Variants in FRMPD4 observed in about 807,000 individuals in gnomAD.
The protein encoded by FRMPD4 is FERM and PDZ domain containing 4, also known as FERM and PDZ domain-containing protein 4.
In FRMPD4, 22 loss-of-function variants were observed where a neutral mutation model predicts 94.1. The observed-to-expected ratio is 0.23, with a 90% CI of 0.17 to 0.33. The LOEUF (loss-of-function observed/expected upper bound fraction) is 0.33, where lower values mean the gene tolerates loss of function less well. FRMPD4 is among the 10% of genes least tolerant of loss of function. FRMPD4 has a pLI of 1.00. For missense variants in FRMPD4, 1,111 were observed against 1,339.9 expected (o/e 0.83, Z 2.67); for synonymous variants, 631 against 548.6 (o/e 1.15, Z -2.10).
chrX:11,844,445 G>A (rs1326177035), intron 1 of FRMPD4, among the ~76,000 whole-genome samples: 1 of 110,930 alleles, frequency 9.0e-6, no homozygotes, highest in Non-Finnish European at 1.9e-5. Context: ...CTTTGGGATG[G>A]TTAATTTTAT....
At chrX:12,476,137 C>A (rs1434432050) in intron 1 of FRMPD4, among the ~76,000 whole-genome samples, 3 of 111,291 alleles carry the variant, frequency 2.7e-5, no homozygotes, top group Admixed American at 1.9e-4. Flanking sequence ...TGGAACAGAA[C>A]AGAGCCCTCA....
At chrX:12,492,264 G>A (rs2057800397) in intron 1 of FRMPD4, among the ~76,000 whole-genome samples, 1 of 111,571 alleles carries the variant, frequency 9.0e-6, no homozygotes, top group Non-Finnish European at 1.9e-5. Flanking sequence ...ACTTTTGGAA[G>A]AAGACCAGTT....
chrX:11,882,219 A>G (rs1480448027), intron 3 of FRMPD4, among the ~76,000 whole-genome samples: 1 of 111,384 alleles, frequency 9.0e-6, no homozygotes, highest in Non-Finnish European at 1.9e-5. Context: ...CTGGGAATTA[A>G]AGGGTAAAGA....
At chrX:12,257,473 C>T (rs1253945321) in intron 1 of FRMPD4, among the ~76,000 whole-genome samples, 5 of 111,534 alleles carry the variant, frequency 4.5e-5, no homozygotes, top group African/African-American at 1.6e-4. Flanking sequence ...TTGTCATTTC[C>T]AGTTTCATAG....
intron 3 of FRMPD4, among the ~76,000 whole-genome samples, chrX:12,003,795 AT>A (rs1248884881): frequency 8.9e-6 from 1 of 112,444 alleles, no homozygotes; most frequent in Non-Finnish European, 1.9e-5. Context: ...CTTTAAAAAA[AT>A]AAATTCATCC....
chrX:11,888,065 A>G (rs1360921499), intron 3 of FRMPD4, among the ~76,000 whole-genome samples: 1 of 112,430 alleles, frequency 8.9e-6, no homozygotes, highest in Non-Finnish European at 1.9e-5. Flanking sequence ...TTTTTCTTAC[A>G]TCTTATTCTT....
In FRMPD4 at chrX:12,716,655, G is replaced by A. The variant is rs1445273620; in HGVS notation, c.2196G>A (p.Glu732=). 2 of 1,208,689 alleles carry A rather than the reference G, an allele frequency of 1.7e-6. No individual in the cohort carries two copies. Among genetic ancestry groups the A allele is most frequent in the African/African-American group, 1.7e-5 (1 of 57,748 alleles). The change falls in exon 15 of 17, where the codon GAG becomes GAA. Residue 732 remains glutamate (E), a synonymous_variant. Coordinates refer to ENST00000675598, the MANE Select transcript of FRMPD4 (RefSeq NM_001368397.1). ...VKSFQAAEGI[E]EPLLHDICYA... is the part of the protein sequence containing the mutation. ...GCTTCCAGGCCGCGGAGGGGATCGA[G>A]GAACCCCTCTTGCATGACATCTGTT...
rs372917697 is a variant in FRMPD4, at chrX:12,331,133, C to A, written c.42-167547C>A. On this transcript the variant is annotated intron_variant, in intron 1 of 16. Transcript: ENST00000675598. ...AGAAAGTGGGGGCAGCTGGTTTTGG[C>A]CCTCAAGCTACAGTTTCCTGACCCC... Among the ~76,000 whole-genome samples, 44 of 110,340 alleles carry A rather than the reference C, an allele frequency of 4.0e-4. 1 individual carries two copies. The East Asian group carries it at 5.1e-3, about 13-fold the overall frequency.
At chrX:11,898,540 C>T (rs2053916981) in intron 3 of FRMPD4, among the ~76,000 whole-genome samples, 1 of 111,320 alleles carries the variant, frequency 9.0e-6, no homozygotes, top group Non-Finnish European at 1.9e-5. Flanking sequence ...CCAGGTGAGA[C>T]CATAGAAATA....
chrX:12,509,264 G>A (rs1602047990), intron 2 of FRMPD4, among the ~76,000 whole-genome samples: 1 of 111,384 alleles, frequency 9.0e-6, no homozygotes, highest in African/African-American at 3.3e-5. Flanking sequence ...GAAGTCATAC[G>A]AAAAAGATAC....
chrX:12,134,902 T>C (rs2055584186), upstream of FRMPD4, among the ~76,000 whole-genome samples: 1 of 112,376 alleles, frequency 8.9e-6, no homozygotes, highest in Non-Finnish European at 1.9e-5. Flanking sequence ...AACTGTAAAC[T>C]GGTGCCAACT....
chrX:12,305,725 G>GTTTTTTTGTTTTTT (rs2054927148), intron 1 of FRMPD4, among the ~76,000 whole-genome samples: 1 of 59,721 alleles, frequency 1.7e-5, no homozygotes, highest in Non-Finnish European at 2.8e-5. Flanking sequence ...AGCTGGCTAA[G>GTTTTTTTGTTTTTT]TTTTTTTTTT....
intron 3 of FRMPD4, among the ~76,000 whole-genome samples, chrX:11,945,340 A>G (rs755654565): frequency 8.9e-6 from 1 of 112,156 alleles, no homozygotes; most frequent in Admixed American, 9.5e-5. Context: ...ATATTTAATA[A>G]AAGCTCAAAT....
intron 2 of FRMPD4, among the ~76,000 whole-genome samples, chrX:12,520,019 A>G (rs2058144863): frequency 8.9e-6 from 1 of 112,170 alleles, no homozygotes; most frequent in Non-Finnish European, 1.9e-5. Context: ...TATAACTACT[A>G]TATGATCCAA....
chrX:12,707,596 T>A lies in FRMPD4; in HGVS notation c.1415T>A (p.Met472Lys). 8.3e-7 allele frequency: 1 copy of A among 1,210,708 alleles called. No homozygotes were observed. The highest frequency in any genetic ancestry group is 1.1e-6 in the Non-Finnish European group (1 of 894,816). Reference protein sequence around the residue: ...ADFSHVNRIEMFSEEESLVRV... With the variant: ...ADFSHVNRIEKFSEEESLVRV... ...TTTAGCCACGTCAACAGGATCGAAA[T>A]GTTTTCCGAGGAGGAGAGCTTGGTG... Residue 472 changes from methionine to lysine, a missense_variant, in exon 13 of 17, where the codon ATG (methionine) becomes AAG (lysine). This residue lies in a region of FRMPD4 where 111 missense variants were observed against 160.7 expected (regional missense o/e 0.69). Transcript: ENST00000675598.
intron 3 of FRMPD4, among the ~76,000 whole-genome samples, chrX:11,921,276 A>G (rs2147344827): frequency 8.9e-6 from 1 of 112,078 alleles, no homozygotes; most frequent in South Asian, 3.8e-4. Context: ...CTTGACTTTC[A>G]GGTGGCCGCC....
chrX:12,193,455 C>A (rs745942278), intron 1 of FRMPD4, among the ~76,000 whole-genome samples: 3 of 108,863 alleles, frequency 2.8e-5, no homozygotes, highest in East Asian at 5.9e-4. Context: ...CATAGGGCCC[C>A]AGGTCAGTGT....
intron 2 of FRMPD4, among the ~76,000 whole-genome samples, chrX:12,578,463 A>C (rs138924837): frequency 7.6e-4 from 85 of 111,906 alleles, no homozygotes; most frequent in Middle Eastern, 4.6e-3. Context: ...ACAGACTCAC[A>C]CGAAACCCCA....
chrX:12,179,944 C>T (rs1446399105), intron 1 of FRMPD4, among the ~76,000 whole-genome samples: 1 of 109,269 alleles, frequency 9.2e-6, no homozygotes, highest in Non-Finnish European at 1.9e-5. Flanking sequence ...GTTCAAAGCC[C>T]TCATTTGCCA....
Sources: allele counts gnomAD v4.1 joint callset (sites outside exome capture counted in the v4.1 genomes callset), GRCh38; gene constraint gnomAD v4.1.1; regional missense constraint gnomAD v4.1.1; transcripts MANE v1.5; gene names NCBI Gene and HGNC (gene_info 2026-07-23, HGNC 2026-07-21).